Variants in HMGB1 observed in about 807,000 individuals in gnomAD.
The protein encoded by HMGB1 is high mobility group box 1.
For synonymous variants in HMGB1, 81 were observed against 84.0 expected (o/e 0.96, Z 0.19); for missense variants, 79 against 253.5 (o/e 0.31, Z 4.67).
chr13:30,525,979 G>A lies in HMGB1; in HGVS notation c.-14-62285C>T, dbSNP rs928691257. On this transcript the variant is annotated intron_variant, in intron 1 of 4. Transcript: ENST00000405805. ...CCCAAAGTGTTGGGATTATAGGCAT[G>A]AGCCACTGTGCTCAGCCTGGCAATT... 3.3e-5 allele frequency among the ~76,000 whole-genome samples: 5 copies of A among 152,072 alleles called. No homozygotes were observed. The South Asian group carries it at 6.2e-4, about 19-fold the overall frequency.
At chr13:30,528,147 C>T (rs1056728908) in intron 1 of HMGB1, among the ~76,000 whole-genome samples, 13 of 152,186 alleles carry the variant, frequency 8.5e-5, no homozygotes, top group African/African-American at 2.4e-4. Flanking sequence ...CCAGGCAACC[C>T]GTCTCCTGGG....
upstream of HMGB1, among the ~76,000 whole-genome samples, chr13:30,469,234 G>A (rs968238237): frequency 3.3e-5 from 5 of 152,190 alleles, no homozygotes; most frequent in Non-Finnish European, 4.4e-5. Context: ...TCATCCAGTC[G>A]AAGAGGCCTG....
chr13:30,573,352 T>G (rs1444594609), intron 1 of HMGB1, among the ~76,000 whole-genome samples: 2 of 152,252 alleles, frequency 1.3e-5, no homozygotes, highest in African/African-American at 4.8e-5. Context: ...CCAGGATAGC[T>G]TCTCCATAAT....
chr13:30,561,034 G>C (rs920588233), intron 1 of HMGB1, among the ~76,000 whole-genome samples: 1 of 152,036 alleles, frequency 6.6e-6, no homozygotes, highest in African/African-American at 2.4e-5. Flanking sequence ...GCTAGTGCAA[G>C]GAGGGAAGCA....
chr13:30,604,727 G>A (rs551958576), intron 1 of HMGB1, among the ~76,000 whole-genome samples: 5 of 152,096 alleles, frequency 3.3e-5, no homozygotes, highest in African/African-American at 9.7e-5. Flanking sequence ...GCGTGATCTC[G>A]GCTCACTGCA....
At chr13:30,562,312 A>G (rs1436573160) in intron 1 of HMGB1, among the ~76,000 whole-genome samples, 2 of 146,168 alleles carry the variant, frequency 1.4e-5, no homozygotes, top group South Asian at 2.2e-4. Context: ...AAAAAAAAAA[A>G]GATGTATTTA....
chr13:30,522,562 G>A (rs1479442616), intron 1 of HMGB1, among the ~76,000 whole-genome samples: 5 of 152,114 alleles, frequency 3.3e-5, no homozygotes, highest in Non-Finnish European at 7.4e-5. Context: ...AATGCTGTCA[G>A]GACATAGTAT....
chr13:30,575,056 C>A (rs992986852), intron 1 of HMGB1, among the ~76,000 whole-genome samples: 1 of 151,936 alleles, frequency 6.6e-6, no homozygotes, highest in African/African-American at 2.4e-5. Flanking sequence ...ATATAAACTC[C>A]GAGTAAAAGT....
chr13:30,514,846 T>TA (rs1428352076), intron 1 of HMGB1, among the ~76,000 whole-genome samples: 1 of 152,096 alleles, frequency 6.6e-6, no homozygotes, highest in Non-Finnish European at 1.5e-5. Flanking sequence ...GGATGTGTAT[T>TA]ACACTTTGTG....
chr13:30,538,474 C>CTT (rs200169353), intron 1 of HMGB1, among the ~76,000 whole-genome samples: 29 of 36,108 alleles, frequency 8.0e-4, no homozygotes, highest in African/African-American at 2.1e-3. Flanking sequence ...TTCTTTCTTT[C>CTT]TTTCTTTCTT....
intron 1 of HMGB1, among the ~76,000 whole-genome samples, chr13:30,517,552 C>A (rs562128325): frequency 6.6e-6 from 1 of 152,256 alleles, no homozygotes; most frequent in East Asian, 1.9e-4. Context: ...CTACACCATG[C>A]CTGGCTAATT....
rs1869847783 is a variant in HMGB1 at position 30,559,422 on chromosome 13, A to G, written c.-15+57249T>C. Among the ~76,000 whole-genome samples, 3 of 152,200 alleles carry G rather than the reference A, an allele frequency of 2.0e-5. No individual in the cohort carries two copies. The highest frequency in any genetic ancestry group is 4.1e-4 in the South Asian group (2 of 4,826). On this transcript the variant is annotated intron_variant, in intron 1 of 4. Transcript: ENST00000405805. This position sits in a 1 kb window ranked among gnomAD's most constrained non-coding sequence, Gnocchi z 6.6. Reference sequence around the variant, plus strand: ...GTTTACTAGTTTTGCTTCCTTGGGCAGTGAATTTAAATAACCTGTCAAAAG... The same window carrying G: ...GTTTACTAGTTTTGCTTCCTTGGGCGGTGAATTTAAATAACCTGTCAAAAG...
At chr13:30,597,227 A>AG (rs1871655053) in intron 1 of HMGB1, among the ~76,000 whole-genome samples, 1 of 151,924 alleles carries the variant, frequency 6.6e-6, no homozygotes, top group African/African-American at 2.4e-5. Context: ...TCCTTATAAA[A>AG]AAAAGGAAAT....
intron 1 of HMGB1, among the ~76,000 whole-genome samples, chr13:30,505,323 TGCG>T (rs1887830240): frequency 6.6e-6 from 1 of 151,916 alleles, no homozygotes; most frequent in Admixed American, 6.6e-5. Flanking sequence ...GGATTACAGG[TGCG>T]TGCCACCAGG....
chr13:30,608,039 G>A lies in HMGB1; in HGVS notation c.-15+8632C>T, dbSNP rs117670147. Among the ~76,000 whole-genome samples the A allele has an allele frequency of 2.8e-4, 42 of 152,270 alleles. 1 individual carries two copies. In the East Asian group the frequency reaches 8.1e-3, roughly 29 times the overall value. On this transcript the variant is annotated intron_variant, in intron 1 of 4. Transcript: ENST00000405805. ...ACCCATAGAATACAGCACAGTGACA[G>A]TAGGTCACTTCCGAGGTTAGGTTGT... is the stretch of plus-strand genomic sequence containing the variant.
At chr13:30,491,908 C>T (rs1593273196) in intron 1 of HMGB1, among the ~76,000 whole-genome samples, 1 of 152,304 alleles carries the variant, frequency 6.6e-6, no homozygotes, top group South Asian at 2.1e-4. Context: ...GTGGCTTACG[C>T]CTGTAATCCC....
At chr13:30,480,947 A>G (rs563147883) in intron 1 of HMGB1, among the ~76,000 whole-genome samples, 25 of 151,924 alleles carry the variant, frequency 1.6e-4, no homozygotes, top group African/African-American at 5.1e-4. Flanking sequence ...CATCCCAAGC[A>G]GAAGAATGGA....
At chr13:30,497,861 G>A (rs570836929) in intron 1 of HMGB1, among the ~76,000 whole-genome samples, 1 of 152,202 alleles carries the variant, frequency 6.6e-6, no homozygotes, top group East Asian at 1.9e-4. Flanking sequence ...ACCACTGATG[G>A]GCATTTAGGT....
rs115235604 is a variant in HMGB1, at chr13:30,527,457, G to A, written c.-14-63763C>T. The stretch of plus-strand genomic sequence containing the variant: ...CCTCTTCCCACCTTCCTCAGATGTC[G>A]GTGGTCCACAGTGGCTGGGGACTTG... On this transcript the variant is annotated intron_variant, in intron 1 of 4. Transcript: ENST00000405805. Among the ~76,000 whole-genome samples the A allele has an allele frequency of 3.5e-3, 527 of 152,148 alleles. 4 individuals are homozygous for A. Among genetic ancestry groups the A allele is most frequent in the African/African-American group, 0.012 (498 of 41,474 alleles).
Sources: allele counts gnomAD v4.1 joint callset (sites outside exome capture counted in the v4.1 genomes callset), GRCh38; gene constraint gnomAD v4.1.1; non-coding constraint Gnocchi (gnomAD v3.1); transcripts MANE v1.5; gene names NCBI Gene and HGNC (gene_info 2026-07-23, HGNC 2026-07-21).